The following WWOX variants were observed in gnomAD, a reference collection of about 807,000 sequenced individuals.
The protein encoded by WWOX is WW domain containing oxidoreductase.
Under a neutral mutation model 46.2 loss-of-function variants are expected in WWOX, and 69 were observed. The ratio of observed to expected loss-of-function variants is 1.49; its 90% CI spans 1.23 to 1.82. WWOX has a LOEUF of 1.82. Among genes scored for constraint, WWOX ranks in the 40% most tolerant of loss-of-function variants. The pLI, the probability that WWOX is intolerant of heterozygous loss-of-function variation, is 0.00. For missense variants in WWOX, 919 were observed against 542.6 expected (o/e 1.69, Z -6.89); for synonymous variants, 359 against 202.6 (o/e 1.77, Z -6.56).
At chr16:78,617,673 A>T (rs893059606) in intron 8 of WWOX, among the ~76,000 whole-genome samples, 3 of 152,160 alleles carry the variant, frequency 2.0e-5, no homozygotes, top group Non-Finnish European at 4.4e-5. Context: ...CATGGCGCTC[A>T]GGTATTCCAG....
intron 8 of WWOX, among the ~76,000 whole-genome samples, chr16:78,760,084 C>G (rs1354044107): frequency 6.6e-6 from 1 of 152,202 alleles, no homozygotes; most frequent in South Asian, 2.1e-4. Flanking sequence ...AATTTATCAA[C>G]AAAAAGAGAT....
At chr16:78,123,093 A>G (rs2033176381) in intron 4 of WWOX, 1 of 152,080 alleles carries the variant, frequency 6.6e-6, no homozygotes. Context: ...TTTCTAACAT[A>G]TCTTTTAGGT....
chr16:78,656,040 T>C (rs1378091886), intron 8 of WWOX, among the ~76,000 whole-genome samples: 6 of 152,142 alleles, frequency 3.9e-5, no homozygotes, highest in African/African-American at 1.4e-4. Context: ...AAGGTCTGTT[T>C]TGAAATGGGG....
chr16:78,547,127 G>GAACAAAA (rs2044052827), intron 8 of WWOX, among the ~76,000 whole-genome samples: 1 of 87,516 alleles, frequency 1.1e-5, no homozygotes, highest in African/African-American at 6.8e-5. Flanking sequence ...CCTTGTCTCA[G>GAACAAAA]AAAAAAAAAA....
intron 8 of WWOX, among the ~76,000 whole-genome samples, chr16:79,157,362 A>G (rs1168144787): frequency 5.3e-5 from 8 of 151,840 alleles, no homozygotes; most frequent in Admixed American, 3.3e-4. Context: ...CAGTTAGAAA[A>G]CAGTGAGCCT....
chr16:78,969,956 G>A (rs1469955744), intron 8 of WWOX, among the ~76,000 whole-genome samples: 3 of 152,146 alleles, frequency 2.0e-5, no homozygotes, highest in East Asian at 1.9e-4. Flanking sequence ...CTCTTTGATT[G>A]TACTAAAACT....
At chr16:78,669,780 G>C (rs952706757) in intron 8 of WWOX, among the ~76,000 whole-genome samples, 2 of 152,044 alleles carry the variant, frequency 1.3e-5, no homozygotes, top group Admixed American at 6.5e-5. Context: ...ATCCCACATG[G>C]CACCCCTATT....
chr16:78,456,824 A>G (rs2083829770), intron 8 of WWOX, among the ~76,000 whole-genome samples: 1 of 152,250 alleles, frequency 6.6e-6, no homozygotes, highest in Non-Finnish European at 1.5e-5. Flanking sequence ...AACATTAACA[A>G]ACCATGTTAA....
At chr16:78,143,212 T>C (rs922183933) in intron 4 of WWOX, among the ~76,000 whole-genome samples, 5 of 152,252 alleles carry the variant, frequency 3.3e-5, no homozygotes, top group African/African-American at 1.2e-4. Context: ...TCTTTATATC[T>C]GCTTTCATAG....
rs1491587303 is a variant in WWOX at position 78,261,788 on chromosome 16, C to CTAGAGATATATATA, written c.516+97501_516+97502insGAGATATATATATA. On this transcript the variant is annotated intron_variant, in intron 5 of 8. Coordinates refer to ENST00000566780, the MANE Select transcript of WWOX (RefSeq NM_016373.4). ...TCTATCTATGTATCTATCTATCTATCTATATATATATATATATATATATAT... is the reference window on the plus strand; with the variant it reads ...TCTATCTATGTATCTATCTATCTATCTAGAGATATATATATATATATATATATATATATATATAT... Among the ~76,000 whole-genome samples, 166 of 73,722 alleles carry CTAGAGATATATATA rather than the reference C, an allele frequency of 2.3e-3. 1 individual carries two copies. The highest frequency in any genetic ancestry group is 7.6e-3 in the African/African-American group (133 of 17,434). The allele number at this position is 73,722 out of a possible 152,430, so 48.4% of individuals were successfully genotyped here.
At chr16:79,081,348 G>A (rs551270522) in intron 8 of WWOX, among the ~76,000 whole-genome samples, 5 of 152,294 alleles carry the variant, frequency 3.3e-5, no homozygotes, top group African/African-American at 1.2e-4. Context: ...ATTTTCAGTA[G>A]AGATGGGGTT....
intron 8 of WWOX, among the ~76,000 whole-genome samples, chr16:78,501,924 C>G (rs979984085): frequency 6.6e-6 from 1 of 152,084 alleles, no homozygotes; most frequent in Non-Finnish European, 1.5e-5. Context: ...CCACTGTGGT[C>G]CCACCTGCCC....
In WWOX at chr16:78,423,552, C is replaced by T. The variant is rs144039265; in HGVS notation, c.606-1318C>T. On this transcript the variant is annotated intron_variant, in intron 6 of 8. Coordinates refer to ENST00000566780, the MANE Select transcript of WWOX (RefSeq NM_016373.4). The stretch of plus-strand genomic sequence containing the variant: ...TTTAGCTTTTTGATTCACGTGAAAG[C>T]CTTACTTGTATTGTTAACAATTTTG... Among the ~76,000 whole-genome samples the T allele has an allele frequency of 5.1e-3, 780 of 152,180 alleles. 12 individuals are homozygous for T. Among genetic ancestry groups the T allele is most frequent in the Middle Eastern group, 0.017 (5 of 294 alleles).
In WWOX at chr16:78,165,403, G is replaced by A. The variant is rs111445422; in HGVS notation, c.516+1114G>A. 2.2e-4 allele frequency among the ~76,000 whole-genome samples: 34 copies of A among 152,318 alleles called. 1 individual carries two copies. The highest frequency in any genetic ancestry group is 7.7e-4 in the African/African-American group (32 of 41,560). On this transcript the variant is annotated intron_variant, in intron 5 of 8. Transcript: ENST00000566780. ...TTAGTCAAAAAACACAGATCTTAATGTAAACTTGAAAAAGCAGTGAGTGGT... is the reference window on the plus strand; with the variant it reads ...TTAGTCAAAAAACACAGATCTTAATATAAACTTGAAAAAGCAGTGAGTGGT...
At chr16:78,623,173 A>G (rs1045815353) in intron 8 of WWOX, among the ~76,000 whole-genome samples, 71 of 151,826 alleles carry the variant, frequency 4.7e-4, no homozygotes, top group African/African-American at 1.5e-3. Context: ...AGCCATGCCC[A>G]GACTCCTATC....
chr16:78,964,540 G>T (rs1002827503), intron 8 of WWOX, among the ~76,000 whole-genome samples: 1 of 152,170 alleles, frequency 6.6e-6, no homozygotes, highest in Non-Finnish European at 1.5e-5. Flanking sequence ...GCTGTTAAAG[G>T]CATTCAGTTT....
chr16:78,578,698 T>G (rs2044969857), intron 8 of WWOX, among the ~76,000 whole-genome samples: 1 of 152,164 alleles, frequency 6.6e-6, no homozygotes, highest in East Asian at 1.9e-4. Context: ...TTGCCAGCTA[T>G]GGGTCATTTG....
intron 8 of WWOX, among the ~76,000 whole-genome samples, chr16:79,012,987 G>C (rs770262811): frequency 9.2e-5 from 14 of 152,200 alleles, no homozygotes; most frequent in Non-Finnish European, 1.9e-4. Flanking sequence ...AGGTCAGGAA[G>C]AACCTGGGAG....
intron 8 of WWOX, among the ~76,000 whole-genome samples, chr16:78,516,545 A>G (rs2043239237): frequency 6.6e-6 from 1 of 152,100 alleles, no homozygotes; most frequent in African/African-American, 2.4e-5. Context: ...TTCCTCTGTG[A>G]TGTTGGAATC....
Sources: gnomAD v4.1 joint callset for allele counts (sites outside exome capture counted in the v4.1 genomes callset) on GRCh38, gnomAD v4.1.1 for gene constraint, MANE v1.5 for transcripts, NCBI Gene and HGNC (gene_info 2026-07-23, HGNC 2026-07-21) for gene names.